Variants in KCTD10 observed in about 807,000 individuals in gnomAD.
The protein encoded by KCTD10 is potassium channel tetramerization domain containing 10.
A neutral mutation model predicts 34.6 loss-of-function variants in KCTD10; 13 were observed. The observed-to-expected ratio is 0.38, with a 90% CI of 0.24 to 0.60. The LOEUF (loss-of-function observed/expected upper bound fraction) is 0.60, where lower values mean the gene tolerates loss of function less well. KCTD10 is among the 20% of genes least tolerant of loss of function. KCTD10 has a pLI of 0.66. For missense variants in KCTD10, 256 were observed against 420.3 expected (o/e 0.61, Z 3.42); for synonymous variants, 156 against 168.8 (o/e 0.92, Z 0.59).
chr12:109,462,802 T>C (rs780339537), intron 2 of KCTD10, among the ~76,000 whole-genome samples: 4 of 152,122 alleles, frequency 2.6e-5, no homozygotes, highest in Non-Finnish European at 5.9e-5. Flanking sequence ...GGTAAACTAA[T>C]TAAAACAAAA....
Position 109,477,274 on chromosome 12 carries a change from G to A in KCTD10, c.-12C>T, listed in dbSNP as rs1371438934. 47 of 1,613,852 alleles carry A rather than the reference G, an allele frequency of 2.9e-5. No individual in the cohort carries two copies. Among genetic ancestry groups the A allele is most frequent in the Non-Finnish European group, 4.0e-5 (47 of 1,179,944 alleles). ...GCCCTCCCTACCATGAAAAGTCGGA[G>A]GACGCAGGAGTCTCCAAACCCGGAC... is the stretch of plus-strand genomic sequence containing the variant. On this transcript the variant is annotated 5_prime_UTR_variant, in exon 1 of 7. Coordinates refer to ENST00000228495, the MANE Select transcript of KCTD10 (RefSeq NM_031954.5).
intron 1 of KCTD10, 196 bp from the exon 2 acceptor site, chr12:109,469,924 C>A: frequency 1.5e-6 from 2 of 1,290,530 alleles, no homozygotes; most frequent in South Asian, 1.6e-5. Flanking sequence ...AATCAGAGGC[C>A]AACTGGGCTA....
intron 3 of KCTD10, among the ~76,000 whole-genome samples, chr12:109,459,823 T>G (rs1873221275): frequency 6.6e-6 from 1 of 152,258 alleles, no homozygotes; most frequent in Non-Finnish European, 1.5e-5. Context: ...CAGAGGTTAC[T>G]GCAAGGGTGA....
chr12:109,457,862 C>A, intron 4 of KCTD10, 130 bp downstream of exon 4: 1 of 1,000,810 alleles, frequency 1.0e-6, no homozygotes, highest in South Asian at 1.3e-5. Context: ...TGACCTGTAG[C>A]TTCCCACTGT....
intron 1 of KCTD10, among the ~76,000 whole-genome samples, chr12:109,471,613 T>A (rs1205590513): frequency 6.6e-6 from 1 of 152,146 alleles, no homozygotes; most frequent in Non-Finnish European, 1.5e-5. Flanking sequence ...CTAACAGTTA[T>A]GACCAGCCAC....
At chr12:109,473,006 T>C (rs1873962096) in intron 1 of KCTD10, among the ~76,000 whole-genome samples, 1 of 149,990 alleles carries the variant, frequency 6.7e-6, no homozygotes, top group South Asian at 2.1e-4. Context: ...TCGGTGTCCC[T>C]TGACCACTGC....
At chr12:109,472,590 A>G (rs1240251205) in intron 1 of KCTD10, among the ~76,000 whole-genome samples, 3 of 152,204 alleles carry the variant, frequency 2.0e-5, no homozygotes, top group East Asian at 1.9e-4. Flanking sequence ...ATATCTATCA[A>G]GTTCATTACT....
chr12:109,456,325 C>T lies in KCTD10; in HGVS notation c.528-12G>A, dbSNP rs1156701305. ...TGTCGTCAGAATTGCTGCAAAAGAGCATTTGATACGGTGACCACAAGCTGG... is the reference window on the plus strand; with the variant it reads ...TGTCGTCAGAATTGCTGCAAAAGAGTATTTGATACGGTGACCACAAGCTGG... On this transcript the variant is annotated splice_polypyrimidine_tract_variant and intron_variant, in intron 5 of 6. Transcript: ENST00000228495. 3.1e-6 allele frequency: 5 copies of T among 1,612,098 alleles called. No homozygotes were observed. Among genetic ancestry groups the T allele is most frequent in the Admixed American group, 1.7e-5 (1 of 60,028 alleles).
chr12:109,464,392 G>A (rs142949365), intron 2 of KCTD10, among the ~76,000 whole-genome samples: 64 of 152,198 alleles, frequency 4.2e-4, no homozygotes, highest in African/African-American at 1.4e-3. Flanking sequence ...CTCACTTGAC[G>A]CCAGGAGCAC....
In KCTD10 at chr12:109,451,404, G is replaced by C. The variant is rs1019015046; in HGVS notation, c.*191C>G. 2 of 562,368 alleles carry C rather than the reference G, an allele frequency of 3.6e-6. No individual in the cohort carries two copies. The highest frequency in any genetic ancestry group is 6.2e-6 in the Non-Finnish European group (2 of 323,646). 34.8% of individuals were successfully genotyped at this position (562,368 alleles called of 1,614,324 possible). ...TTAGACACAGCTTGTTCAACGACAG[G>C]GGTCATACGCCTGGGTCAAGACAAT... On this transcript the variant is annotated 3_prime_UTR_variant, in exon 7 of 7. Transcript: ENST00000228495. This position sits in a 1 kb window ranked among gnomAD's most constrained non-coding sequence, Gnocchi z 5.0.
At chr12:109,463,499 G>A (rs932600588) in intron 2 of KCTD10, among the ~76,000 whole-genome samples, 1 of 152,222 alleles carries the variant, frequency 6.6e-6, no homozygotes, top group Admixed American at 6.5e-5. Flanking sequence ...AAGTCAAGCA[G>A]CTCCTCGCAT....
chr12:109,458,816 G>A (rs1251646408), intron 3 of KCTD10: 1 of 152,310 alleles, frequency 6.6e-6, no homozygotes, highest in Non-Finnish European at 1.5e-5. Flanking sequence ...TTCCTCTTCA[G>A]GAACACCACC....
At chr12:109,469,388 G>T in intron 2 of KCTD10, 127 bp downstream of exon 2, 1 of 1,080,490 alleles carries the variant, frequency 9.3e-7, no homozygotes, top group Non-Finnish European at 1.3e-6. Flanking sequence ...AGTCAAGATG[G>T]TGGGAGTCCC....
intron 6 of KCTD10, among the ~76,000 whole-genome samples, chr12:109,454,087 G>A (rs1306030330): frequency 6.7e-6 from 1 of 149,738 alleles, no homozygotes; most frequent in Non-Finnish European, 1.5e-5. Context: ...ACAAGGCCTG[G>A]AGTCCTTTAA....
intron 2 of KCTD10, chr12:109,469,191 C>A: frequency 3.3e-6 from 1 of 305,866 alleles, no homozygotes; most frequent in Non-Finnish European, 6.2e-6. Flanking sequence ...GGAGCTGAGA[C>A]TGAAACCCAG....
At chr12:109,465,796 C>T (rs1017696557) in intron 2 of KCTD10, among the ~76,000 whole-genome samples, 2 of 152,218 alleles carry the variant, frequency 1.3e-5, no homozygotes, top group Non-Finnish European at 2.9e-5. Flanking sequence ...CCAGGAACTG[C>T]AGTTTTCCCA....
Position 109,450,036 on chromosome 12 carries a change from C to G in KCTD10, c.*1559G>C. The G allele has an allele frequency of 5.3e-6, 2 of 375,612 alleles. No individual in the cohort carries two copies. 23.3% of individuals were successfully genotyped at this position (375,612 alleles called of 1,614,324 possible). Reference sequence around the variant, plus strand: ...ATACAAAATGAAGGCATACAACTGTCACAGGCAGGGCAGTAAGTACAAAGT... The same window carrying G: ...ATACAAAATGAAGGCATACAACTGTGACAGGCAGGGCAGTAAGTACAAAGT... On this transcript the variant is annotated 3_prime_UTR_variant, in exon 7 of 7. Transcript: ENST00000228495.
intron 1 of KCTD10, among the ~76,000 whole-genome samples, chr12:109,476,438 C>G (rs1368241928): frequency 1.3e-5 from 2 of 152,122 alleles, no homozygotes; most frequent in Admixed American, 6.6e-5. Context: ...GTCATCTCTA[C>G]CCAGGGACAA....
intron 6 of KCTD10, among the ~76,000 whole-genome samples, chr12:109,454,159 T>C (rs1872910572): frequency 6.6e-6 from 1 of 152,188 alleles, no homozygotes; most frequent in African/African-American, 2.4e-5. Context: ...CAAGAAATTC[T>C]CAACTCCTGT....
Sources: gnomAD v4.1 joint callset for allele counts (sites outside exome capture counted in the v4.1 genomes callset) on GRCh38, gnomAD v4.1.1 for gene constraint, Gnocchi (gnomAD v3.1) non-coding constraint, MANE v1.5 for transcripts, NCBI Gene and HGNC (gene_info 2026-07-23, HGNC 2026-07-21) for gene names.